Variants in RIMS1 observed in about 807,000 individuals in gnomAD.
RIMS1 encodes regulating synaptic membrane exocytosis 1.
RIMS1 carries 83 observed loss-of-function variants against 214.1 expected under a neutral mutation model. That is an observed-to-expected ratio of 0.39 (90% CI 0.32 to 0.47). The LOEUF (loss-of-function observed/expected upper bound fraction) is 0.47, where lower values mean the gene tolerates loss of function less well. Ranked by LOEUF, RIMS1 falls within the 20% of genes least tolerant of loss-of-function variation. The probability of loss-of-function intolerance (pLI) is 0.99; values close to 1 mark genes in which losing one functional copy is unlikely to be tolerated. For synonymous variants in RIMS1, 793 were observed against 786.8 expected (o/e 1.01, Z -0.13); for missense variants, 2,050 against 2,161.8 (o/e 0.95, Z 1.03).
chr6:71,895,898 C>T (rs1771599092), intron 1 of RIMS1, among the ~76,000 whole-genome samples: 1 of 152,104 alleles, frequency 6.6e-6, no homozygotes, highest in Non-Finnish European at 1.5e-5. Context: ...AGAAAGATTA[C>T]TTAGCGTATT....
chr6:72,289,804 T>G (rs1002389513), intron 24 of RIMS1, among the ~76,000 whole-genome samples: 1 of 152,170 alleles, frequency 6.6e-6, no homozygotes, highest in African/African-American at 2.4e-5. Context: ...TGAGGTATCA[T>G]TTTATTCTTT....
intron 25 of RIMS1, 119 bp from the exon 26 acceptor site, chr6:72,291,815 C>G (rs2093428608): frequency 2.7e-6 from 2 of 745,074 alleles, no homozygotes; most frequent in Non-Finnish European, 4.8e-6. Flanking sequence ...TGATTCTGCT[C>G]CCATTGGCCC....
intron 2 of RIMS1, among the ~76,000 whole-genome samples, chr6:72,055,036 C>T (rs1292257872): frequency 6.6e-6 from 1 of 152,078 alleles, no homozygotes; most frequent in Non-Finnish European, 1.5e-5. Flanking sequence ...AGGTTTTCTT[C>T]TAAGATTTTT....
rs2034806165 is a variant in RIMS1 at position 72,106,662 on chromosome 6, T to A, written c.471+6676T>A. On this transcript the variant is annotated intron_variant, in intron 4 of 33. Coordinates refer to ENST00000521978, the MANE Select transcript of RIMS1 (RefSeq NM_014989.7). ...TTGCTGTTTTTATTGTTTGTTTGTT[T>A]GTTTTATTTTGCTTTTAGACATGGT... is the stretch of plus-strand genomic sequence containing the variant. Among the ~76,000 whole-genome samples, 3 of 152,240 alleles carry A rather than the reference T, an allele frequency of 2.0e-5. No individual in the cohort carries two copies. The South Asian group carries it at 6.2e-4, about 31-fold the overall frequency.
At chr6:72,235,849 T>G in intron 8 of RIMS1, 121 bp downstream of exon 8, 1 of 443,394 alleles carries the variant, frequency 2.3e-6, no homozygotes, top group Non-Finnish European at 3.9e-6. Context: ...TTTATTGATA[T>G]AGCATATAGA....
intron 2 of RIMS1, among the ~76,000 whole-genome samples, chr6:72,026,463 C>CG (rs1816538344): frequency 7.0e-6 from 1 of 142,842 alleles, no homozygotes; most frequent in Admixed American, 7.0e-5. Context: ...CCGCCCCCCC[C>CG]CCCAACTTTT....
At chr6:72,355,029 C>T (rs71557820) in intron 29 of RIMS1, among the ~76,000 whole-genome samples, 2,707 of 152,078 alleles carry the variant, frequency 0.018, 44 homozygotes, top group Non-Finnish European at 0.028. Context: ...AATAGTGCAC[C>T]GAAAATGCTA....
At chr6:72,298,065 G>A (rs1258379471) in intron 26 of RIMS1, among the ~76,000 whole-genome samples, 4 of 151,968 alleles carry the variant, frequency 2.6e-5, no homozygotes, top group African/African-American at 9.7e-5. Flanking sequence ...GTTCCAGTTT[G>A]TCAGGGACTG....
chr6:72,278,336 G>C (rs2087880528), intron 23 of RIMS1, among the ~76,000 whole-genome samples: 1 of 152,030 alleles, frequency 6.6e-6, no homozygotes, highest in Non-Finnish European at 1.5e-5. Flanking sequence ...GAGTTGTTCT[G>C]CTAAAGTGGC....
At chr6:72,132,744 C>G (rs929938639) in intron 4 of RIMS1, among the ~76,000 whole-genome samples, 4 of 152,062 alleles carry the variant, frequency 2.6e-5, no homozygotes, top group Non-Finnish European at 5.9e-5. Context: ...ATTTCTTGGG[C>G]CCGCCCCAAA....
chr6:72,130,944 T>C (rs1052400525), intron 4 of RIMS1, among the ~76,000 whole-genome samples: 2 of 152,172 alleles, frequency 1.3e-5, no homozygotes, highest in African/African-American at 4.8e-5. Flanking sequence ...TTCTATCTTG[T>C]TATTTCAAAG....
chr6:72,169,316 C>CA (rs2046701499), intron 4 of RIMS1, among the ~76,000 whole-genome samples: 1 of 152,056 alleles, frequency 6.6e-6, no homozygotes, highest in African/African-American at 2.4e-5. Flanking sequence ...TAAGCCTTCT[C>CA]AAAAATATTT....
intron 4 of RIMS1, among the ~76,000 whole-genome samples, chr6:72,177,322 G>C (rs1159118496): frequency 6.6e-6 from 1 of 152,198 alleles, no homozygotes; most frequent in African/African-American, 2.4e-5. Flanking sequence ...CGGGATCTCA[G>C]CTCACTGAAA....
chr6:72,308,575 T>C (rs1159759338), intron 27 of RIMS1, among the ~76,000 whole-genome samples: 1 of 151,960 alleles, frequency 6.6e-6, no homozygotes, highest in Admixed American at 6.6e-5. Flanking sequence ...CTGTGACTAA[T>C]AAAAAAATAA....
chr6:72,136,594 C>A (rs550387016), intron 4 of RIMS1, among the ~76,000 whole-genome samples: 3 of 151,860 alleles, frequency 2.0e-5, no homozygotes, highest in African/African-American at 4.8e-5. Context: ...AATTTTTGGA[C>A]GTGAAAACAT....
At chr6:72,240,237 G>A (rs192821129) in intron 9 of RIMS1, among the ~76,000 whole-genome samples, 15 of 152,170 alleles carry the variant, frequency 9.9e-5, no homozygotes, top group African/African-American at 1.7e-4. Flanking sequence ...GTAAATAAAC[G>A]TATGTATTAA....
chr6:72,081,393 G>A (rs369148123), intron 2 of RIMS1, among the ~76,000 whole-genome samples: 1 of 152,108 alleles, frequency 6.6e-6, no homozygotes, highest in Non-Finnish European at 1.5e-5. Flanking sequence ...TTTCTGTCCA[G>A]GGTTCTGACA....
chr6:72,038,560 A>C (rs1299797574), intron 2 of RIMS1, among the ~76,000 whole-genome samples: 1 of 152,102 alleles, frequency 6.6e-6, no homozygotes, highest in Non-Finnish European at 1.5e-5. Context: ...CTCATATTGA[A>C]ATGGGAAATA....
At chr6:72,295,547 TTAAG>T (rs1326856149) in intron 26 of RIMS1, among the ~76,000 whole-genome samples, 1 of 151,750 alleles carries the variant, frequency 6.6e-6, no homozygotes, top group Non-Finnish European at 1.5e-5. Context: ...GTTATGAAAA[TTAAG>T]TATGCTTTTA....
Sources: allele counts gnomAD v4.1 joint callset (sites outside exome capture counted in the v4.1 genomes callset), GRCh38; gene constraint gnomAD v4.1.1; transcripts MANE v1.5; gene names NCBI Gene and HGNC (gene_info 2026-07-23, HGNC 2026-07-21).